GLRA2: variants seen among roughly 807,000 people sequenced by gnomAD.
The protein encoded by GLRA2 is glycine receptor alpha 2.
GLRA2 carries 11 observed loss-of-function variants against 31.6 expected under a neutral mutation model. That is an observed-to-expected ratio of 0.35 (90% CI 0.22 to 0.58). The LOEUF (loss-of-function observed/expected upper bound fraction) is 0.58. GLRA2 is among the 20% of genes least tolerant of loss of function. GLRA2 has a pLI of 0.84. For missense variants in GLRA2, 212 were observed against 351.8 expected, an observed-to-expected ratio of 0.60 and a Z score of 3.18; for synonymous variants, 132 against 134.0, an observed-to-expected ratio of 0.99 and a Z score of 0.10.
At chrX:14,713,171 T>C (rs1201872657) in intron 8 of GLRA2, among the ~76,000 whole-genome samples, 1 of 112,210 alleles carries the variant, frequency 8.9e-6, no homozygotes, top group African/African-American at 3.2e-5. Context: ...AAGCAAATGC[T>C]TGATGTGATT....
intron 7 of GLRA2, among the ~76,000 whole-genome samples, chrX:14,664,463 A>G (rs1162259757): frequency 5.4e-5 from 6 of 111,889 alleles, no homozygotes; most frequent in African/African-American, 1.9e-4. Flanking sequence ...TTATTTACAG[A>G]ATTCAGAAAA....
Position 14,701,562 on chromosome X carries a change from C to T in GLRA2, c.1080+10703C>T, listed in dbSNP as rs190924105. ...GATGAATGGATAAAAATATGAATCA[C>T]GTGATGGTCCAAGCAGGGTAGAGAA... On this transcript the variant is annotated intron_variant, in intron 8 of 8. Transcript: ENST00000218075. Among the ~76,000 whole-genome samples, 11 of 110,160 alleles carry T rather than the reference C, an allele frequency of 1.0e-4. No homozygotes were observed. In the East Asian group the frequency reaches 1.1e-3, roughly 11 times the overall value.
At chrX:14,582,116 G>A (rs1420239086) in intron 4 of GLRA2, among the ~76,000 whole-genome samples, 2 of 102,482 alleles carry the variant, frequency 2.0e-5, no homozygotes, top group East Asian at 3.0e-4. Flanking sequence ...TGTGCACAAC[G>A]TGCAGGTTAG....
Position 14,529,788 on chromosome X carries a change from G to T in GLRA2, c.-270G>T. 2.6e-6 allele frequency: 1 copy of T among 382,996 alleles called. No homozygotes were observed. The highest frequency in any genetic ancestry group is 4.2e-5 in the South Asian group (1 of 23,706). 31.6% of individuals were successfully genotyped at this position (382,996 alleles called of 1,213,427 possible). Reference sequence around the variant, plus strand: ...AAGGTAGCAGCATTTTTATTATTCAGGAAAAGCAGCTGGGGGATTCATCAG... The same window carrying T: ...AAGGTAGCAGCATTTTTATTATTCATGAAAAGCAGCTGGGGGATTCATCAG... On this transcript the variant is annotated 5_prime_UTR_variant, in exon 1 of 9. The change creates a new upstream start codon in the 5' untranslated region. Coordinates refer to ENST00000218075, the MANE Select transcript of GLRA2 (RefSeq NM_002063.4).
chrX:14,462,180 G>C, the GLRA2 span, among the ~76,000 whole-genome samples: 1 of 112,049 alleles, frequency 8.9e-6, no homozygotes, highest in African/African-American at 3.2e-5. Context: ...TTGGCCCTCA[G>C]TCTCTTCTGG....
chrX:14,606,527 T>C (rs1257125314), intron 5 of GLRA2, among the ~76,000 whole-genome samples: 1 of 111,721 alleles, frequency 9.0e-6, no homozygotes, highest in Non-Finnish European at 1.9e-5. Context: ...TGAATATTCT[T>C]AATTTGCATA....
At chrX:14,583,336 C>A (rs1476953176) in intron 4 of GLRA2, among the ~76,000 whole-genome samples, 1 of 112,598 alleles carries the variant, frequency 8.9e-6, no homozygotes, top group Non-Finnish European at 1.9e-5. Flanking sequence ...GAATATAAAT[C>A]ATTCTACCAT....
In GLRA2 at chrX:14,548,346, C is replaced by A. The variant is rs763388612; in HGVS notation, c.202+15974C>A. On this transcript the variant is annotated intron_variant, in intron 2 of 8. Coordinates refer to ENST00000218075, the MANE Select transcript of GLRA2 (RefSeq NM_002063.4). The stretch of plus-strand genomic sequence containing the variant: ...ATTTGTAACACAGCTGCTGCCCTTT[C>A]TATTACAGGTTGAATTGAATTTATC... Among the ~76,000 whole-genome samples the A allele has an allele frequency of 6.7e-4, 75 of 111,608 alleles. 1 individual carries two copies. The highest frequency in any genetic ancestry group is 1.1e-3 in the Non-Finnish European group (57 of 52,993).
intron 2 of GLRA2, among the ~76,000 whole-genome samples, chrX:14,540,682 G>T (rs759148172): frequency 9.0e-6 from 1 of 111,199 alleles, no homozygotes; most frequent in African/African-American, 3.3e-5. Context: ...AGCCTTCTTT[G>T]ATCAGTCTGG....
intron 2 of GLRA2, among the ~76,000 whole-genome samples, chrX:14,542,784 C>G (rs1029883084): frequency 9.1e-6 from 1 of 110,304 alleles, no homozygotes; most frequent in African/African-American, 3.3e-5. Flanking sequence ...ATGATCTCTA[C>G]TTTAACATTA....
chrX:14,700,084 C>G (rs1208836746), intron 8 of GLRA2, among the ~76,000 whole-genome samples: 1 of 110,998 alleles, frequency 9.0e-6, no homozygotes, highest in Non-Finnish European at 1.9e-5. Context: ...CAACAGACCC[C>G]CAGTTACAGA....
In GLRA2 at chrX:14,687,937, T is replaced by C. The variant is rs781107364; in HGVS notation, c.931-2773T>C. Among the ~76,000 whole-genome samples the C allele has an allele frequency of 6.2e-5, 7 of 112,260 alleles. No individual in the cohort carries two copies. In the East Asian group the frequency reaches 1.7e-3, roughly 27 times the overall value. On this transcript the variant is annotated intron_variant, in intron 7 of 8. Coordinates refer to ENST00000218075, the MANE Select transcript of GLRA2 (RefSeq NM_002063.4). ...TTTTCACCATCTTTGTGGTTTTATC[T>C]ACCTTTGGTCTTTGATGATGGTGAC...
intron 7 of GLRA2, among the ~76,000 whole-genome samples, chrX:14,689,128 T>G (rs1801554330): frequency 8.9e-6 from 1 of 111,772 alleles, no homozygotes; most frequent in Non-Finnish European, 1.9e-5. Flanking sequence ...TGGGGCATCT[T>G]ACTCCAGAAT....
chrX:14,698,792 T>C (rs1326629440), intron 8 of GLRA2, among the ~76,000 whole-genome samples: 3 of 110,247 alleles, frequency 2.7e-5, no homozygotes, highest in Non-Finnish European at 5.7e-5. Context: ...GGTTGATATT[T>C]TAGAAGGTAT....
At chrX:14,616,971 T>C (rs1450730141) in intron 7 of GLRA2, among the ~76,000 whole-genome samples, 1 of 111,331 alleles carries the variant, frequency 9.0e-6, no homozygotes, top group Admixed American at 9.6e-5. Flanking sequence ...GTAGTGAGTG[T>C]GTGAAAAAAA....
intron 8 of GLRA2, among the ~76,000 whole-genome samples, chrX:14,708,444 C>A (rs750078569): frequency 9.0e-6 from 1 of 111,219 alleles, no homozygotes; most frequent in East Asian, 2.8e-4. Flanking sequence ...ATATGTTGCA[C>A]TAACTATATT....
rs146128497 is a variant in GLRA2, at chrX:14,638,229, G to T, written c.930+29024G>T. ...TTTGCCAAGGATTTTTGGGGAGGGT[G>T]GTGGTGGGAGGATGGAGTAGAGTTG... On this transcript the variant is annotated intron_variant, in intron 7 of 8. Transcript: ENST00000218075. Among the ~76,000 whole-genome samples the T allele has an allele frequency of 3.1e-4, 34 of 111,422 alleles. No individual in the cohort carries two copies. The East Asian group carries it at 9.5e-3, about 31-fold the overall frequency.
chrX:14,549,961 C>CTTTCTGGTTAAGGGAATTGATTG (rs752812807), intron 2 of GLRA2, among the ~76,000 whole-genome samples: 23 of 110,987 alleles, frequency 2.1e-4, no homozygotes, highest in African/African-American at 5.6e-4. Flanking sequence ...GAGATGCAGT[C>CTTTCTGGTTAAGGGAATTGATTG]ATTGATATTA....
intron 7 of GLRA2, among the ~76,000 whole-genome samples, chrX:14,628,547 C>T (rs904335100): frequency 9.0e-6 from 1 of 111,661 alleles, no homozygotes; most frequent in South Asian, 3.8e-4. Flanking sequence ...AGAAGTAACT[C>T]TGTGTGTCAT....
Sources: gnomAD v4.1 joint callset for allele counts (sites outside exome capture counted in the v4.1 genomes callset) on GRCh38, gnomAD v4.1.1 for gene constraint, MANE v1.5 for transcripts, NCBI Gene and HGNC (gene_info 2026-07-23, HGNC 2026-07-21) for gene names.